Variants in NCOR2 observed in about 807,000 individuals in gnomAD.
NCOR2 encodes the protein nuclear receptor corepressor 2, also known as CTG repeat protein 26.
NCOR2 carries 81 observed loss-of-function variants against 262.9 expected under a neutral mutation model. The observed-to-expected ratio is 0.31, with a 90% CI of 0.26 to 0.37. The LOEUF (loss-of-function observed/expected upper bound fraction) is 0.37. NCOR2 is among the 10% of genes least tolerant of loss of function. NCOR2 has a pLI of 1.00. For synonymous variants in NCOR2, 1,659 were observed against 1,559.3 expected (o/e 1.06, Z -1.51); for missense variants, 3,385 against 3,621.4 (o/e 0.93, Z 1.68).
At chr12:124,438,770 C>CAGAG (rs200291120) in intron 7 of NCOR2, among the ~76,000 whole-genome samples, 3 of 46,656 alleles carry the variant, frequency 6.4e-5, no homozygotes, top group African/African-American at 1.3e-4. Context: ...GACAGAGACC[C>CAGAG]AGAGAGACAG....
chr12:124,484,457 C>T (rs568859986), intron 2 of NCOR2, among the ~76,000 whole-genome samples: 1 of 152,330 alleles, frequency 6.6e-6, no homozygotes, highest in South Asian at 2.1e-4. Flanking sequence ...TCCTGGCCTC[C>T]ACCTCTGAGG....
chr12:124,359,494 C>T (rs1275373628), intron 22 of NCOR2, among the ~76,000 whole-genome samples: 1 of 152,236 alleles, frequency 6.6e-6, no homozygotes, highest in Non-Finnish European at 1.5e-5. Context: ...GTGGGCAGCC[C>T]ACAGGAGGCA....
chr12:124,535,679 A>G (rs1194615485), upstream of NCOR2: 2 of 152,260 alleles, frequency 1.3e-5, no homozygotes, highest in Non-Finnish European at 2.9e-5. Context: ...CGACACCGAC[A>G]TGCAGGAAAA....
chr12:124,541,412 C>A (rs1482717197), intron 1 of NCOR2, among the ~76,000 whole-genome samples: 3 of 4,960 alleles, frequency 6.0e-4, no homozygotes, highest in East Asian at 6.3e-3. Flanking sequence ...GGGAGTGGAG[C>A]TGGATGGGGT....
exon 25 of NCOR2, chr12:124,354,869 C>G (rs1339847749): frequency 6.2e-7 from 1 of 1,612,448 alleles, no homozygotes; most frequent in African/African-American, 1.3e-5. Flanking sequence ...CAGGGGCAGC[C>G]CCATGGTGAC....
chr12:124,346,229 A>C (rs1231893012), intron 31 of NCOR2, among the ~76,000 whole-genome samples: 1 of 152,206 alleles, frequency 6.6e-6, no homozygotes, highest in Non-Finnish European at 1.5e-5. Flanking sequence ...CTCAGGCCGC[A>C]CCTGGACCCT....
At position 124,566,409 on chromosome 12, in the gene NCOR2, C is replaced by T. The variant is rs538648810; in HGVS notation, c.-165+899G>A. 1.3e-5 allele frequency among the ~76,000 whole-genome samples: 2 copies of T among 152,148 alleles called. No homozygotes were observed. Among genetic ancestry groups the T allele is most frequent in the Non-Finnish European group, 2.9e-5 (2 of 68,010 alleles). The stretch of plus-strand genomic sequence containing the variant: ...AATTGGGCCCGGGCGACAGCAGCTC[C>T]CAGGTACAGCCTGTCTCTCCCTCCC... On this transcript the variant is annotated intron_variant, in intron 1 of 32. Coordinates refer to the NCOR2 transcript ENST00000458234. The surrounding 1 kb of genome is among the most constrained non-coding windows in gnomAD (Gnocchi z 4.3).
chr12:124,391,202 C>T (rs367832852), intron 16 of NCOR2, among the ~76,000 whole-genome samples: 18 of 152,336 alleles, frequency 1.2e-4, no homozygotes, highest in African/African-American at 4.3e-4. Context: ...ACACCACCGC[C>T]CACCTGCATC....
At chr12:124,479,783 G>T (rs2047340795) in intron 3 of NCOR2, among the ~76,000 whole-genome samples, 1 of 152,260 alleles carries the variant, frequency 6.6e-6, no homozygotes, top group Non-Finnish European at 1.5e-5. Context: ...CCACCAGGGA[G>T]ACCAGAGGGG....
intron 13 of NCOR2, among the ~76,000 whole-genome samples, chr12:124,403,648 A>G (rs1167964005): frequency 6.6e-6 from 1 of 152,182 alleles, no homozygotes; most frequent in East Asian, 1.9e-4. Flanking sequence ...AGTCACGGCA[A>G]TGTTTCAAAC....
Position 124,396,016 on chromosome 12 carries a change from C to T in NCOR2, c.1876+2103G>A, listed in dbSNP as rs554230111. Among the ~76,000 whole-genome samples the T allele has an allele frequency of 4.1e-4, 62 of 152,278 alleles. 1 individual carries two copies. The Middle Eastern group carries it at 0.01, about 25-fold the overall frequency. On this transcript the variant is annotated intron_variant, in intron 16 of 46. Transcript: ENST00000405201. Reference sequence around the variant, plus strand: ...TGCAGGTGAGGGAATATTATTCAGCCGTACAAAGCTACTCAGATGAACCTC... The same window carrying T: ...TGCAGGTGAGGGAATATTATTCAGCTGTACAAAGCTACTCAGATGAACCTC...
Position 124,335,293 on chromosome 12 carries a change from C to T in NCOR2, c.6266-13G>A. ...AGCTTCACGGGGCCTGCAGGCAGAG[C>T]AGAGCTGGTCAGGGGGTGTCTGCTG... On this transcript the variant is annotated splice_polypyrimidine_tract_variant and intron_variant, in intron 39 of 46. Transcript: ENST00000405201. The T allele has an allele frequency of 6.4e-7, 1 of 1,573,570 alleles. No homozygotes were observed. Among genetic ancestry groups the T allele is most frequent in the East Asian group, 2.3e-5 (1 of 43,404 alleles).
At chr12:124,355,323 G>T in intron 24 of NCOR2, 109 bp downstream of exon 26, 6 of 1,376,206 alleles carry the variant, frequency 4.4e-6, no homozygotes, top group Middle Eastern at 2.3e-4. Context: ...GAGTGGAGAT[G>T]ACCCAGGCCC....
chr12:124,445,070 G>C (rs1484669000), intron 7 of NCOR2, among the ~76,000 whole-genome samples: 2 of 152,190 alleles, frequency 1.3e-5, no homozygotes, highest in East Asian at 3.8e-4. Context: ...CAGCAGGAGG[G>C]AAGAAATCAG....
intron 11 of NCOR2, 36 bp downstream of exon 13, chr12:124,426,586 G>A (rs1314047742): frequency 2.0e-6 from 3 of 1,529,906 alleles, no homozygotes; most frequent in East Asian, 2.4e-5. Flanking sequence ...TGGGGGTGGG[G>A]GGCCGGGAGG....
intron 22 of NCOR2, among the ~76,000 whole-genome samples, chr12:124,361,312 G>A (rs1228479949): frequency 1.3e-5 from 2 of 152,142 alleles, no homozygotes; most frequent in Admixed American, 1.3e-4. Flanking sequence ...CCCAGGGTGG[G>A]GAACCTCTGG....
At position 124,472,943 on chromosome 12, in the gene NCOR2, C is replaced by T. The variant is rs1212344954; in HGVS notation, c.591+9G>A. The T allele has an allele frequency of 1.2e-6, 2 of 1,613,812 alleles. No individual in the cohort carries two copies. The highest frequency in any genetic ancestry group is 4.5e-5 in the East Asian group (2 of 44,862). On this transcript the variant is annotated intron_variant, in intron 4 of 46. Transcript: ENST00000405201. ...AACAAACACTCCCCCTCCCCCTGCC[C>T]ATTCACACCTGCTTCTTCTTCAGCT...
In NCOR2 at chr12:124,388,949, G is replaced by A. The variant is rs2041056570; in HGVS notation, c.1877-3062C>T. The A allele has an allele frequency of 4.7e-6, 2 of 423,346 alleles. 1 individual carries two copies. The allele number at this position is 423,346 out of a possible 1,614,324, so 26.2% of individuals were successfully genotyped here. A position where few individuals can be genotyped will look rare whatever the true frequency, so the allele number is the denominator to read the frequency against. On this transcript the variant is annotated intron_variant, in intron 16 of 46. Coordinates refer to ENST00000405201, the Ensembl canonical transcript of NCOR2. ...AGGCTGGCTCGAGAGGGGCGGGCGG[G>A]AGGCAGCTCCTCACAAGTCCGCCTG...
chr12:124,389,034 C>T lies in NCOR2; in HGVS notation c.1877-3147G>A, dbSNP rs1008111208. Among the ~76,000 whole-genome samples, 7 of 152,198 alleles carry T rather than the reference C, an allele frequency of 4.6e-5. No homozygotes were observed. The highest frequency in any genetic ancestry group is 8.8e-5 in the Non-Finnish European group (6 of 68,044). On this transcript the variant is annotated intron_variant, in intron 16 of 46. Coordinates refer to ENST00000405201, the Ensembl canonical transcript of NCOR2. The surrounding 1 kb of genome is among the most constrained non-coding windows in gnomAD (Gnocchi z 4.4). The stretch of plus-strand genomic sequence containing the variant: ...GCCACCTCTGACGCCGTCCCCAAGC[C>T]GCTGTGGGCGCGCGAGGTGCCCTTC...
Sources: allele counts gnomAD v4.1 joint callset (sites outside exome capture counted in the v4.1 genomes callset), GRCh38; gene constraint gnomAD v4.1.1; non-coding constraint Gnocchi (gnomAD v3.1); transcripts MANE v1.5; gene names NCBI Gene and HGNC (gene_info 2026-07-23, HGNC 2026-07-21).